The following PCM1 variants were observed in gnomAD, a reference collection of about 807,000 sequenced individuals.
PCM1 encodes the protein pericentriolar material 1 protein.
Under a neutral mutation model 241.9 loss-of-function variants are expected in PCM1, and 157 were observed. The ratio of observed to expected loss-of-function variants is 0.65; its 90% CI spans 0.57 to 0.74. PCM1 has a LOEUF of 0.74. Ranked by LOEUF, PCM1 falls within the 30% of genes least tolerant of loss-of-function variation. The probability of loss-of-function intolerance (pLI) is 0.00; values close to 1 mark genes in which losing one functional copy is unlikely to be tolerated. For synonymous variants in PCM1, 1,085 were observed against 784.9 expected, an observed-to-expected ratio of 1.38 and a Z score of -6.39; for missense variants, 3,478 against 2,360.1, an observed-to-expected ratio of 1.47 and a Z score of -9.81.
chr8:17,966,077 G>C lies in PCM1; in HGVS notation c.2934G>C (p.Met978Ile), dbSNP rs1256149469. ...LAKTRQQNIS[M>I]QRQENLRWVS... ...AGACAAGGCAACAGAATATCAGCAT[G>C]CAACGGCAAGAAAACCTTCGTTGGG... Residue 978 changes from methionine to isoleucine, a missense_variant, in exon 19 of 39, where the codon ATG (methionine) becomes ATC (isoleucine). Coordinates refer to ENST00000325083, the MANE Select transcript of PCM1 (RefSeq NM_006197.4). The C allele has an allele frequency of 1.9e-6, 3 of 1,613,904 alleles. No homozygotes were observed. The Admixed American group carries it at 5.0e-5, about 27-fold the overall frequency.
At chr8:17,949,151 A>G (rs937968119) in intron 7 of PCM1, among the ~76,000 whole-genome samples, 6 of 152,324 alleles carry the variant, frequency 3.9e-5, no homozygotes, top group African/African-American at 7.2e-5. Context: ...ACTTCATACT[A>G]TTTCAAAAAG....
At chr8:17,944,468 A>C (rs2129452582) in intron 6 of PCM1, among the ~76,000 whole-genome samples, 1 of 152,316 alleles carries the variant, frequency 6.6e-6, no homozygotes, top group Admixed American at 6.5e-5. Flanking sequence ...GAGTAGAGGA[A>C]AGGAAGATTG....
chr8:17,951,916 C>G (rs2129458727), intron 8 of PCM1, among the ~76,000 whole-genome samples: 1 of 152,012 alleles, frequency 6.6e-6, no homozygotes, highest in African/African-American at 2.4e-5. Context: ...TGCAAAGTTT[C>G]ATAATTAAAA....
At chr8:18,014,899 AT>A in intron 36 of PCM1, 59 bp downstream of exon 36, 1 of 1,412,640 alleles carries the variant, frequency 7.1e-7, no homozygotes, top group Non-Finnish European at 9.5e-7. Flanking sequence ...ATATTTCTTC[AT>A]TTTCAGATTA....
intron 26 of PCM1, among the ~76,000 whole-genome samples, chr8:17,987,882 T>A (rs2083141929): frequency 6.6e-6 from 1 of 151,886 alleles, no homozygotes; most frequent in South Asian, 2.1e-4. Flanking sequence ...TTAAATTTTA[T>A]TTAAATAGCC....
At chr8:17,951,992 G>A (rs1362596314) in intron 8 of PCM1, among the ~76,000 whole-genome samples, 2 of 152,098 alleles carry the variant, frequency 1.3e-5, no homozygotes, top group Non-Finnish European at 2.9e-5. Context: ...GGAGGCCGAG[G>A]CGGGTGGATC....
Position 17,957,715 on chromosome 8 carries a change from C to T in PCM1, c.1980C>T (p.Asn660=), listed in dbSNP as rs1442402153. 2 of 1,613,440 alleles carry T rather than the reference C, an allele frequency of 1.2e-6. No homozygotes were observed. The highest frequency in any genetic ancestry group is 1.7e-6 in the Non-Finnish European group (2 of 1,179,730). ...ATGCTGAATTTGAACAGAAGATCAA[C>T]CGACTTATGGCTGCAAAACAGAAAC... The part of the protein sequence containing the change: ...PEDAEFEQKI[N]RLMAAKQKLR... Residue 660 remains asparagine (N), a synonymous_variant, in exon 13 of 39, where the codon AAC becomes AAT. Transcript: ENST00000325083.
intron 2 of PCM1, among the ~76,000 whole-genome samples, chr8:17,935,265 T>C (rs1173905415): frequency 6.6e-6 from 1 of 152,350 alleles, no homozygotes; most frequent in African/African-American, 2.4e-5. Flanking sequence ...TCTAGCTGTT[T>C]ATGACACTTT....
intron 36 of PCM1, chr8:18,015,786 G>T (rs538552730): frequency 6.6e-6 from 1 of 152,200 alleles, no homozygotes; most frequent in Non-Finnish European, 1.5e-5. Flanking sequence ...CAGGCAAAAG[G>T]TGTCCATTGT....
Position 18,014,781 on chromosome 8 carries a change from C to A in PCM1, c.5782C>A (p.Pro1928Thr). ...VKEVKSAQET[P>T]ESSLAGSPDT... ...AGAAGTTAAATCTGCTCAGGAAACT[C>A]CTGAAAGCTCTCTGGCTGGAAGTCC... is the stretch of plus-strand genomic sequence containing the variant. The change falls in exon 36 of 39, where the codon CCT becomes ACT. Residue 1928 changes from proline (P) to threonine (T), a missense_variant. Physicochemically the swap from Pro to Thr is conservative, Grantham distance 38. Coordinates refer to ENST00000325083, the MANE Select transcript of PCM1 (RefSeq NM_006197.4). 1 of 1,608,674 alleles carries A rather than the reference C, an allele frequency of 6.2e-7. No individual in the cohort carries two copies. The highest frequency in any genetic ancestry group is 8.5e-7 in the Non-Finnish European group (1 of 1,179,148).
In PCM1 at chr8:18,009,575, A is replaced by T; in HGVS notation, c.4991A>T (p.Lys1664Ile). 1 of 1,601,906 alleles carries T rather than the reference A, an allele frequency of 6.2e-7. No individual in the cohort carries two copies. The highest frequency in any genetic ancestry group is 8.5e-7 in the Non-Finnish European group (1 of 1,173,520). Residue 1664 changes from lysine to isoleucine, a missense_variant, in exon 31 of 39, where the codon AAA becomes ATA. Physicochemically the swap from Lys to Ile is moderately radical, Grantham distance 102. Coordinates refer to ENST00000325083, the MANE Select transcript of PCM1 (RefSeq NM_006197.4). Reference sequence around the variant, plus strand: ...TCACTGGCAAAATTTGCTGGCAGAAAACTGAAAGACTGTGGAGAAGATCTT... The same window carrying T: ...TCACTGGCAAAATTTGCTGGCAGAATACTGAAAGACTGTGGAGAAGATCTT... The part of the protein sequence containing the change: ...QDSLAKFAGR[K>I]LKDCGEDLLV...
chr8:17,938,317 A>G (rs766471404), intron 4 of PCM1, among the ~76,000 whole-genome samples: 11 of 152,170 alleles, frequency 7.2e-5, no homozygotes, highest in Non-Finnish European at 1.3e-4. Flanking sequence ...CCTTCAGATT[A>G]TGTGTATAAG....
chr8:18,024,474 CTT>C (rs1281966544), intron 36 of PCM1, among the ~76,000 whole-genome samples: 7 of 152,096 alleles, frequency 4.6e-5, no homozygotes, highest in South Asian at 2.1e-4. Flanking sequence ...TCTTCTAACT[CTT>C]TTGTTTGCCT....
chr8:18,028,733 G>C lies in PCM1; in HGVS notation c.*1071G>C, dbSNP rs2094377932. The stretch of plus-strand genomic sequence containing the variant: ...CAAAAAACCAGTCAACAATGAGTAA[G>C]TCAATCTTATAGATTCTTCTTCCTC... On this transcript the variant is annotated 3_prime_UTR_variant, in exon 39 of 39. Coordinates refer to ENST00000325083, the MANE Select transcript of PCM1 (RefSeq NM_006197.4). 5.0e-6 allele frequency: 1 copy of C among 198,434 alleles called. No individual in the cohort carries two copies. Among genetic ancestry groups the C allele is most frequent in the African/African-American group, 2.3e-5 (1 of 43,474 alleles). The allele number at this position is 198,434 out of a possible 1,614,324, so 12.3% of individuals were successfully genotyped here.
chr8:17,971,047 A>G (rs970361066), intron 22 of PCM1, among the ~76,000 whole-genome samples: 6 of 152,234 alleles, frequency 3.9e-5, no homozygotes, highest in African/African-American at 9.6e-5. Context: ...AAGAGCAACC[A>G]TAGGCAATAT....
intron 24 of PCM1, 36 bp downstream of exon 24, chr8:17,980,791 G>GATA: frequency 6.7e-7 from 1 of 1,494,808 alleles, no homozygotes; most frequent in Non-Finnish European, 9.1e-7. Context: ...ATATAAGGAG[G>GATA]TTTTCAGCTT....
intron 18 of PCM1, 147 bp from the exon 19 acceptor site, chr8:17,965,852 C>T (rs557140052): frequency 1.8e-6 from 1 of 564,938 alleles, no homozygotes; most frequent in African/African-American, 1.9e-5. Context: ...CTGGACTTCT[C>T]CCCCCTCTAT....
At chr8:18,020,047 C>T (rs1413308596) in intron 36 of PCM1, among the ~76,000 whole-genome samples, 1 of 152,126 alleles carries the variant, frequency 6.6e-6, no homozygotes. Flanking sequence ...AATCTCTGTC[C>T]CAGAGCTTTG....
intron 5 of PCM1, 31 bp from the exon 6 acceptor site, chr8:17,939,660 G>GC: frequency 7.2e-7 from 1 of 1,381,512 alleles, no homozygotes; most frequent in Non-Finnish European, 9.7e-7. Context: ...GTACTTTCAT[G>GC]CTTTTTTTAA....
Sources: gnomAD v4.1 joint callset for allele counts (sites outside exome capture counted in the v4.1 genomes callset) on GRCh38, gnomAD v4.1.1 for gene constraint, MANE v1.5 for transcripts, NCBI Gene and HGNC (gene_info 2026-07-23, HGNC 2026-07-21) for gene names.